Variants in PREX1 observed in about 807,000 individuals in gnomAD.
The protein encoded by PREX1 is phosphatidylinositol-3,4,5-trisphosphate dependent Rac exchange factor 1.
A neutral mutation model predicts 198.3 loss-of-function variants in PREX1; 41 were observed. That is an observed-to-expected ratio of 0.21 (90% CI 0.16 to 0.27). The LOEUF is 0.27. Ranked by LOEUF, PREX1 falls within the 10% of genes least tolerant of loss-of-function variation. The probability of loss-of-function intolerance (pLI) is 1.00; values close to 1 mark genes in which losing one functional copy is unlikely to be tolerated. For missense variants in PREX1, 1,620 were observed against 2,200.7 expected, an observed-to-expected ratio of 0.74 and a Z score of 5.28; for synonymous variants, 843 against 887.2, an observed-to-expected ratio of 0.95 and a Z score of 0.89.
chr20:48,795,573 T>C (rs1337770843), intron 1 of PREX1, among the ~76,000 whole-genome samples: 1 of 151,600 alleles, frequency 6.6e-6, no homozygotes, highest in Non-Finnish European at 1.5e-5. Flanking sequence ...AAGCCCCAAA[T>C]GTCACTAGAG....
intron 1 of PREX1, among the ~76,000 whole-genome samples, chr20:48,796,902 C>T (rs573749362): frequency 1.3e-5 from 2 of 151,814 alleles, no homozygotes; most frequent in Admixed American, 6.6e-5. Context: ...ACAGGCAAAA[C>T]TAATCTTCGC....
rs1170764850 is a variant in PREX1 at position 48,649,569 on chromosome 20, C to A, written c.3036G>T (p.Leu1012=). 6 of 1,592,796 alleles carry A rather than the reference C, an allele frequency of 3.8e-6. No homozygotes were observed. In the East Asian group the frequency reaches 1.4e-4, roughly 36 times the overall value. The change falls in exon 25 of 40, where the codon CTG becomes CTT. Residue 1012 remains leucine, a synonymous_variant. Transcript: ENST00000371941. ...AGTGCTGGGTGTACGACATGGGGTT[C>A]AGGTGGCCTGCAGTGGAGGAAGAGA... ...LIGLDPEQGH[L]NPMSYTQHCI...
rs538089575 is a variant in PREX1 at position 48,730,361 on chromosome 20, G to A, written c.520-3970C>T. ...CTAAGGCAAAGCCACGAGCTCCAACGTGAAGGGATCCCACAGAGCGATCCT... is the reference window on the plus strand; with the variant it reads ...CTAAGGCAAAGCCACGAGCTCCAACATGAAGGGATCCCACAGAGCGATCCT... On this transcript the variant is annotated intron_variant, in intron 4 of 39. Transcript: ENST00000371941. 7.2e-5 allele frequency among the ~76,000 whole-genome samples: 11 copies of A among 152,042 alleles called. No homozygotes were observed. The East Asian group carries it at 9.7e-4, about 13-fold the overall frequency.
chr20:48,636,782 C>T, intron 31 of PREX1, 99 bp from the exon 32 acceptor site: 1 of 1,023,470 alleles, frequency 9.8e-7, no homozygotes, highest in Non-Finnish European at 1.4e-6. Flanking sequence ...TCATGGAACC[C>T]CCAGCAAAGG....
intron 5 of PREX1, among the ~76,000 whole-genome samples, chr20:48,724,039 A>C (rs920872454): frequency 2.6e-5 from 4 of 152,162 alleles, no homozygotes; most frequent in African/African-American, 9.7e-5. Flanking sequence ...CACTGGCCTC[A>C]AAACACAGAG....
intron 1 of PREX1, among the ~76,000 whole-genome samples, chr20:48,751,987 G>C (rs1211555796): frequency 6.6e-6 from 1 of 152,190 alleles, no homozygotes; most frequent in Non-Finnish European, 1.5e-5. Flanking sequence ...GGGAGGCACA[G>C]ACTGGAAACG....
chr20:48,742,000 T>C (rs764024093), intron 3 of PREX1, among the ~76,000 whole-genome samples: 2 of 151,940 alleles, frequency 1.3e-5, no homozygotes, highest in African/African-American at 2.4e-5. Flanking sequence ...GGGAGAGGGG[T>C]TGAAGAGATC....
At chr20:48,687,629 T>C (rs552899328) in intron 10 of PREX1, among the ~76,000 whole-genome samples, 11 of 152,322 alleles carry the variant, frequency 7.2e-5, no homozygotes, top group East Asian at 1.9e-4. Flanking sequence ...AGTTCCCGCA[T>C]TGCCGGCAAA....
chr20:48,864,198 G>A, the PREX1 span, among the ~76,000 whole-genome samples: 5 of 152,206 alleles, frequency 3.3e-5, no homozygotes, highest in Non-Finnish European at 7.3e-5. Context: ...GAAAGAAACT[G>A]AGGCTAAGGG....
rs1284079600 is a variant in PREX1, at chr20:48,649,263, C to T, written c.3305+37G>A. On this transcript the variant is annotated intron_variant, in intron 25 of 39. Coordinates refer to ENST00000371941, the MANE Select transcript of PREX1 (RefSeq NM_020820.4). Reference sequence around the variant, plus strand: ...GTAAGGCCAGGATTGAGAACACCTGCCCCTGCTCACGCCGGACACCCCCGG... The same window carrying T: ...GTAAGGCCAGGATTGAGAACACCTGTCCCTGCTCACGCCGGACACCCCCGG... 3.1e-6 allele frequency: 5 copies of T among 1,593,792 alleles called. No individual in the cohort carries two copies. In the East Asian group the frequency reaches 6.7e-5, roughly 21 times the overall value.
chr20:48,864,449 ATGT>A, the PREX1 span, among the ~76,000 whole-genome samples: 1 of 152,210 alleles, frequency 6.6e-6, no homozygotes, highest in Non-Finnish European at 1.5e-5. Flanking sequence ...TTTGTGCCAA[ATGT>A]TGTTCAAAAA....
intron 10 of PREX1, among the ~76,000 whole-genome samples, chr20:48,686,897 A>G (rs991441901): frequency 2.6e-5 from 4 of 152,148 alleles, no homozygotes; most frequent in African/African-American, 9.7e-5. Flanking sequence ...GGCCTGCCCA[A>G]CATCCATACT....
chr20:48,867,097 CACAACCCCA>C, the PREX1 span, among the ~76,000 whole-genome samples: 1 of 152,190 alleles, frequency 6.6e-6, no homozygotes, highest in Non-Finnish European at 1.5e-5. Flanking sequence ...CTGCAGCCCA[CACAACCCCA>C]ACAAGAAAAG....
intron 12 of PREX1, 72 bp downstream of exon 12, chr20:48,679,579 C>T: frequency 2.7e-6 from 4 of 1,476,008 alleles, no homozygotes; most frequent in Non-Finnish European, 3.8e-6. Flanking sequence ...CACAGGCCTG[C>T]TCTGAGGCGA....
intron 6 of PREX1, among the ~76,000 whole-genome samples, chr20:48,703,053 A>G (rs2089883618): frequency 6.6e-6 from 1 of 152,208 alleles, no homozygotes; most frequent in Non-Finnish European, 1.5e-5. Flanking sequence ...CAGAACCAAC[A>G]TGGAGCTCCT....
At chr20:48,745,210 C>T in intron 2 of PREX1, 63 bp from the exon 3 acceptor site, 1 of 1,527,604 alleles carries the variant, frequency 6.5e-7, no homozygotes, top group Non-Finnish European at 8.9e-7. Flanking sequence ...AAGCCAAGCA[C>T]TGAAAAAATA....
chr20:48,863,404 T>A, the PREX1 span, among the ~76,000 whole-genome samples: 1 of 152,072 alleles, frequency 6.6e-6, no homozygotes, highest in Non-Finnish European at 1.5e-5. Context: ...TAGAATAGTT[T>A]CACTGCCCTA....
chr20:48,628,379 G>A (rs1401806095), intron 37 of PREX1, among the ~76,000 whole-genome samples: 3 of 152,160 alleles, frequency 2.0e-5, no homozygotes, highest in African/African-American at 4.8e-5. Flanking sequence ...GTTCTAGAAC[G>A]TGGATTCTGC....
At chr20:48,634,531 G>A (rs927613703) in intron 33 of PREX1, 145 bp downstream of exon 33, 41 of 643,488 alleles carry the variant, frequency 6.4e-5, no homozygotes, top group Non-Finnish European at 9.4e-5. Context: ...TCATGTTGGA[G>A]GCATGAGGTT....
Sources: allele counts gnomAD v4.1 joint callset (sites outside exome capture counted in the v4.1 genomes callset), GRCh38; gene constraint gnomAD v4.1.1; transcripts MANE v1.5; gene names NCBI Gene and HGNC (gene_info 2026-07-23, HGNC 2026-07-21).